Variants in PPP2R5A observed in about 807,000 individuals in gnomAD.
PPP2R5A encodes protein phosphatase 2 regulatory subunit B'alpha.
PPP2R5A carries 25 observed loss-of-function variants against 64.2 expected under a neutral mutation model. That is an observed-to-expected ratio of 0.39 (90% CI 0.28 to 0.54). The LOEUF (loss-of-function observed/expected upper bound fraction) is 0.54, where lower values mean the gene tolerates loss of function less well. PPP2R5A is among the 20% of genes least tolerant of loss of function. PPP2R5A has a pLI of 0.67. For missense variants in PPP2R5A, 425 were observed against 576.3 expected, an observed-to-expected ratio of 0.74 and a Z score of 2.69; for synonymous variants, 198 against 201.2, an observed-to-expected ratio of 0.98 and a Z score of 0.13.
At chr1:212,355,326 C>T (rs1462075649) in intron 8 of PPP2R5A, among the ~76,000 whole-genome samples, 2 of 151,950 alleles carry the variant, frequency 1.3e-5, no homozygotes, top group South Asian at 4.1e-4. Context: ...TACAGTTACA[C>T]AAATAAGTGT....
chr1:212,331,167 C>CAAA (rs10712005), intron 2 of PPP2R5A, among the ~76,000 whole-genome samples: 1 of 112,178 alleles, frequency 8.9e-6, no homozygotes. Flanking sequence ...GACCTTGTCT[C>CAAA]AAAAAAAAAA....
intron 3 of PPP2R5A, among the ~76,000 whole-genome samples, chr1:212,336,231 C>T (rs1237676079): frequency 6.6e-6 from 1 of 152,162 alleles, no homozygotes; most frequent in Non-Finnish European, 1.5e-5. Flanking sequence ...TCTCCTGCCT[C>T]AAGTCTCTTG....
intron 1 of PPP2R5A, chr1:212,309,358 A>G: frequency 1.3e-6 from 2 of 1,522,528 alleles, no homozygotes; most frequent in Middle Eastern, 1.7e-4. Context: ...CTGCCTCCGG[A>G]GTCGCAGTGT....
intron 1 of PPP2R5A, among the ~76,000 whole-genome samples, chr1:212,297,151 T>A: frequency 8.6e-6 from 1 of 116,810 alleles, no homozygotes; most frequent in Non-Finnish European, 1.7e-5. Context: ...AGACGGAGTC[T>A]CACTCTATCG....
intron 1 of PPP2R5A, among the ~76,000 whole-genome samples, chr1:212,321,317 G>T (rs1231319331): frequency 1.4e-5 from 2 of 147,690 alleles, no homozygotes; most frequent in Non-Finnish European, 3.0e-5. Flanking sequence ...CCGGGCGAGG[G>T]GCTGACCCCC....
At chr1:212,307,473 A>G (rs976098927) in intron 1 of PPP2R5A, among the ~76,000 whole-genome samples, 2 of 152,044 alleles carry the variant, frequency 1.3e-5, no homozygotes, top group African/African-American at 4.8e-5. Context: ...TTATTACTTT[A>G]CCATCAGTAG....
chr1:212,351,495 C>G (rs1203290582), intron 8 of PPP2R5A, among the ~76,000 whole-genome samples: 1 of 152,118 alleles, frequency 6.6e-6, no homozygotes, highest in Non-Finnish European at 1.5e-5. Context: ...AGGCAGATCA[C>G]CTGAGATCAG....
At chr1:212,339,151 C>G (rs1271542751) in intron 3 of PPP2R5A, among the ~76,000 whole-genome samples, 1 of 152,076 alleles carries the variant, frequency 6.6e-6, no homozygotes, top group Non-Finnish European at 1.5e-5. Flanking sequence ...TCTTCTACCT[C>G]TATTTGGGAT....
chr1:212,351,114 CAA>C (rs906177451), intron 8 of PPP2R5A, among the ~76,000 whole-genome samples: 3 of 77,398 alleles, frequency 3.9e-5, no homozygotes, highest in African/African-American at 3.9e-5. Context: ...AAAAAAAAAA[CAA>C]AAAAACAAAA....
intron 1 of PPP2R5A, among the ~76,000 whole-genome samples, chr1:212,327,837 G>A (rs1313220561): frequency 2.7e-5 from 4 of 150,726 alleles, no homozygotes; most frequent in Admixed American, 6.6e-5. Flanking sequence ...TTGATTGATT[G>A]AGATGTTGTC....
chr1:212,320,600 C>A (rs376013989), intron 1 of PPP2R5A, among the ~76,000 whole-genome samples: 1 of 146,736 alleles, frequency 6.8e-6, no homozygotes, highest in South Asian at 2.1e-4. Flanking sequence ...CCCTCCCGGA[C>A]GGGGCAGCTG....
intron 7 of PPP2R5A, among the ~76,000 whole-genome samples, 164 bp from the exon 8 acceptor site, chr1:212,349,025 C>T (rs945713181): frequency 6.6e-6 from 1 of 151,954 alleles, no homozygotes; most frequent in African/African-American, 2.4e-5. Flanking sequence ...TATAGTTTCA[C>T]GATTGAGGTA....
intron 8 of PPP2R5A, 85 bp downstream of exon 8, chr1:212,349,327 T>A: frequency 1.0e-6 from 1 of 990,064 alleles, no homozygotes; most frequent in Non-Finnish European, 1.4e-6. Flanking sequence ...TTATAGTTAT[T>A]AAGTAGAATA....
At chr1:212,292,838 A>G (rs995686583) in intron 1 of PPP2R5A, among the ~76,000 whole-genome samples, 7 of 152,354 alleles carry the variant, frequency 4.6e-5, no homozygotes, top group Admixed American at 6.5e-5. Context: ...AGCTGGGATT[A>G]CAGATGTGAA....
At chr1:212,330,547 C>CAG (rs1659485079) in intron 2 of PPP2R5A, among the ~76,000 whole-genome samples, 4 of 146,272 alleles carry the variant, frequency 2.7e-5, no homozygotes, top group African/African-American at 5.0e-5. Context: ...CACCTTGTCT[C>CAG]AAAAAAAAAA....
intron 1 of PPP2R5A, among the ~76,000 whole-genome samples, chr1:212,293,072 G>A (rs762247950): frequency 1.3e-5 from 2 of 152,100 alleles, no homozygotes; most frequent in African/African-American, 2.4e-5. Context: ...AAAACAAAAC[G>A]AAACAGAACA....
chr1:212,328,721 G>C lies in PPP2R5A; in HGVS notation c.182-414G>C, dbSNP rs149720402. ...ATATCATTGCTGTAGTCCAGATGAG[G>C]CATGGTGAGAGTCTGAAATGGCAGC... On this transcript the variant is annotated intron_variant, in intron 1 of 12. Coordinates refer to ENST00000261461, the MANE Select transcript of PPP2R5A (RefSeq NM_006243.4). Among the ~76,000 whole-genome samples, 35 of 152,264 alleles carry C rather than the reference G, an allele frequency of 2.3e-4. No homozygotes were observed. In the East Asian group the frequency reaches 6.7e-3, roughly 29 times the overall value.
At chr1:212,305,585 GTCT>G (rs1279991127) in intron 1 of PPP2R5A, among the ~76,000 whole-genome samples, 11 of 152,062 alleles carry the variant, frequency 7.2e-5, no homozygotes, top group South Asian at 2.1e-4. Context: ...TGTGTTCAAA[GTCT>G]TCTTCTTGTT....
At chr1:212,334,761 T>TATTGA (rs1243307321) in intron 3 of PPP2R5A, among the ~76,000 whole-genome samples, 4 of 152,196 alleles carry the variant, frequency 2.6e-5, no homozygotes, top group African/African-American at 9.6e-5. Context: ...CCATTAATCT[T>TATTGA]ATTGAGGATC....
Sources: allele counts gnomAD v4.1 joint callset (sites outside exome capture counted in the v4.1 genomes callset), GRCh38; gene constraint gnomAD v4.1.1; transcripts MANE v1.5; gene names NCBI Gene and HGNC (gene_info 2026-07-23, HGNC 2026-07-21).